The following LARS2 variants were observed in gnomAD, a reference collection of about 807,000 sequenced individuals.
The protein encoded by LARS2 is leucyl-tRNA synthetase 2, mitochondrial.
A neutral mutation model predicts 116.6 loss-of-function variants in LARS2; 81 were observed. The observed-to-expected ratio is 0.69, with a 90% CI of 0.58 to 0.84. The LOEUF is 0.84. Ranked by LOEUF, LARS2 falls within the 40% of genes least tolerant of loss-of-function variation. The pLI, the probability that LARS2 is intolerant of heterozygous loss-of-function variation, is 0.00. For missense variants in LARS2, 968 were observed against 1,114.5 expected, an observed-to-expected ratio of 0.87 and a Z score of 1.87; for synonymous variants, 396 against 407.2, an observed-to-expected ratio of 0.97 and a Z score of 0.33.
At chr3:45,410,007 A>G (rs902977420) in intron 4 of LARS2, among the ~76,000 whole-genome samples, 1 of 152,232 alleles carries the variant, frequency 6.6e-6, no homozygotes, top group Non-Finnish European at 1.5e-5. Flanking sequence ...TATTATGTAA[A>G]TCTAGGCTGG....
intron 6 of LARS2, among the ~76,000 whole-genome samples, chr3:45,443,994 G>C (rs1698962832): frequency 7.0e-6 from 1 of 142,328 alleles, no homozygotes; most frequent in Non-Finnish European, 1.5e-5. Flanking sequence ...TTCCTGACTA[G>C]ATCTATCCTC....
chr3:45,397,506 T>C (rs1458469711), intron 3 of LARS2, among the ~76,000 whole-genome samples: 1 of 152,220 alleles, frequency 6.6e-6, no homozygotes, highest in Non-Finnish European at 1.5e-5. Flanking sequence ...ATTTAATCTT[T>C]ATTGAACAAA....
intron 20 of LARS2, among the ~76,000 whole-genome samples, chr3:45,533,398 C>T (rs932013589): frequency 6.6e-6 from 1 of 152,040 alleles, no homozygotes. Flanking sequence ...CCGCCCGCCT[C>T]GGCCTACCAA....
At chr3:45,488,006 C>G (rs1450831352) in intron 11 of LARS2, among the ~76,000 whole-genome samples, 4 of 152,156 alleles carry the variant, frequency 2.6e-5, no homozygotes, top group African/African-American at 9.7e-5. Flanking sequence ...CTGGAGGAGT[C>G]AGCCCCGCTT....
chr3:45,520,765 A>G (rs1417317642), intron 19 of LARS2, among the ~76,000 whole-genome samples: 1 of 152,222 alleles, frequency 6.6e-6, no homozygotes, highest in Non-Finnish European at 1.5e-5. Flanking sequence ...CTTCTTGCTA[A>G]GTGTGACTAC....
intron 15 of LARS2, among the ~76,000 whole-genome samples, chr3:45,508,464 T>C (rs1249621647): frequency 2.0e-5 from 3 of 152,090 alleles, no homozygotes; most frequent in Non-Finnish European, 4.4e-5. Context: ...ACTTAGAAAC[T>C]AGGCTAATTA....
intron 8 of LARS2, among the ~76,000 whole-genome samples, chr3:45,462,429 A>AGG (rs999716482): frequency 2.1e-5 from 3 of 144,910 alleles, no homozygotes; most frequent in Non-Finnish European, 4.5e-5. Flanking sequence ...CAAAAAAAAA[A>AGG]AAAGAAAGAA....
chr3:45,503,902 C>T (rs1700160470), intron 15 of LARS2, among the ~76,000 whole-genome samples: 1 of 152,024 alleles, frequency 6.6e-6, no homozygotes, highest in East Asian at 1.9e-4. Flanking sequence ...TTAGCCCTTT[C>T]CTCGACTTTT....
chr3:45,411,029 A>G (rs1698321872), intron 4 of LARS2, among the ~76,000 whole-genome samples: 1 of 152,202 alleles, frequency 6.6e-6, no homozygotes, highest in South Asian at 2.1e-4. Flanking sequence ...ACTGCATAGA[A>G]TAGATATACT....
At chr3:45,468,165 C>A (rs990521176) in intron 8 of LARS2, among the ~76,000 whole-genome samples, 3 of 151,986 alleles carry the variant, frequency 2.0e-5, no homozygotes, top group African/African-American at 7.3e-5. Context: ...CGGGTTAGAT[C>A]ATCATTTATT....
At chr3:45,414,610 C>T (rs1698385134) in intron 4 of LARS2, among the ~76,000 whole-genome samples, 1 of 152,082 alleles carries the variant, frequency 6.6e-6, no homozygotes, top group African/African-American at 2.4e-5. Flanking sequence ...TGGCTCATGC[C>T]TGTAATCCTG....
At chr3:45,528,235 G>A (rs1468436956) in intron 20 of LARS2, among the ~76,000 whole-genome samples, 1 of 152,202 alleles carries the variant, frequency 6.6e-6, no homozygotes, top group East Asian at 1.9e-4. Context: ...TACTCGGGAG[G>A]CTGAGGTGGG....
At chr3:45,422,968 T>A (rs1007839351) in intron 6 of LARS2, among the ~76,000 whole-genome samples, 2 of 152,226 alleles carry the variant, frequency 1.3e-5, no homozygotes, top group Admixed American at 1.3e-4. Flanking sequence ...CGTATTTATT[T>A]TCATAACTCG....
intron 2 of LARS2, among the ~76,000 whole-genome samples, chr3:45,394,069 G>A (rs1196921971): frequency 2.6e-5 from 4 of 152,182 alleles, no homozygotes; most frequent in Admixed American, 2.6e-4. Context: ...TCTGAGGCTT[G>A]AAGACATAAG....
chr3:45,500,511 C>A lies in LARS2; in HGVS notation c.1692C>A (p.Ala564=), dbSNP rs149911756. The stretch of plus-strand genomic sequence containing the variant: ...TGTACATTGGAGGGAAAGAACATGC[C>A]GTCATGCACTTGTTCTATGCAAGAT... The part of the protein sequence containing the change: ...VDLYIGGKEH[A]VMHLFYARFF... Residue 564 remains alanine (A), a synonymous_variant, in exon 15 of 22, where the codon GCC becomes GCA. Transcript: ENST00000645846. The A allele has an allele frequency of 6.3e-7, 1 of 1,590,560 alleles. No individual in the cohort carries two copies. Among genetic ancestry groups the A allele is most frequent in the Non-Finnish European group, 8.5e-7 (1 of 1,171,112 alleles).
intron 7 of LARS2, among the ~76,000 whole-genome samples, chr3:45,455,335 C>T (rs116848508): frequency 1.3e-5 from 2 of 150,652 alleles, no homozygotes; most frequent in East Asian, 3.9e-4. Flanking sequence ...TGAGGTTTGC[C>T]GGGGACAAGA....
At chr3:45,411,658 C>T (rs564890121) in intron 4 of LARS2, among the ~76,000 whole-genome samples, 1 of 152,172 alleles carries the variant, frequency 6.6e-6, no homozygotes, top group Non-Finnish European at 1.5e-5. Context: ...TGTATATAAT[C>T]ATTTCTATTT....
intron 6 of LARS2, among the ~76,000 whole-genome samples, chr3:45,427,336 A>C (rs980686723): frequency 6.6e-6 from 1 of 152,208 alleles, no homozygotes; most frequent in African/African-American, 2.4e-5. Context: ...CAGAATCACC[A>C]AGAGGGCTTG....
rs374947670 is a variant in LARS2, at chr3:45,521,644, T to C, written c.2292+1348T>C. Among the ~76,000 whole-genome samples the C allele has an allele frequency of 2.4e-3, 369 of 152,164 alleles. 12 individuals carry two copies. In the South Asian group the frequency reaches 0.07, roughly 29 times the overall value. ...CCTAACCAAAAATGGTCAAAGCATA[T>C]GAAAAGATAATAACTCATAGAAAAT... On this transcript the variant is annotated intron_variant, in intron 19 of 21. Coordinates refer to ENST00000645846, the MANE Select transcript of LARS2 (RefSeq NM_015340.4).
Sources: gnomAD v4.1 joint callset for allele counts (sites outside exome capture counted in the v4.1 genomes callset) on GRCh38, gnomAD v4.1.1 for gene constraint, MANE v1.5 for transcripts, NCBI Gene and HGNC (gene_info 2026-07-23, HGNC 2026-07-21) for gene names.